SYNGR1: variants seen among roughly 807,000 people sequenced by gnomAD.
SYNGR1 encodes the protein synaptogyrin 1.
SYNGR1 carries 14 observed loss-of-function variants against 26.1 expected under a neutral mutation model. The observed-to-expected ratio is 0.54, with a 90% CI of 0.35 to 0.84. SYNGR1 has a LOEUF of 0.84. SYNGR1 is among the 40% of genes least tolerant of loss of function. The probability of loss-of-function intolerance (pLI) is 0.01; values close to 1 mark genes in which losing one functional copy is unlikely to be tolerated. For missense variants in SYNGR1, 319 were observed against 332.9 expected (o/e 0.96, Z 0.33); for synonymous variants, 141 against 150.1 (o/e 0.94, Z 0.44).
At chr22:39,365,279 C>T (rs1270904896) in intron 1 of SYNGR1, among the ~76,000 whole-genome samples, 2 of 152,176 alleles carry the variant, frequency 1.3e-5, no homozygotes, top group African/African-American at 4.8e-5. Flanking sequence ...GCTGTCCCTG[C>T]AGATCTGGCC....
intron 1 of SYNGR1, among the ~76,000 whole-genome samples, chr22:39,369,784 C>T (rs1408143653): frequency 6.6e-6 from 1 of 152,220 alleles, no homozygotes; most frequent in Non-Finnish European, 1.5e-5. Flanking sequence ...CCGATGCCCT[C>T]ACGGGTCTGA....
At chr22:39,377,745 G>A in intron 3 of SYNGR1, 1 of 1,595,166 alleles carries the variant, frequency 6.3e-7, no homozygotes, top group Middle Eastern at 1.7e-4. Flanking sequence ...CAGTGAGGTG[G>A]CAGGAGCAGC....
chr22:39,380,403 G>A lies in SYNGR1; in HGVS notation c.484-1293G>A, dbSNP rs190895726. ...GCTCCAGAGGTCTTCGGTGACCCAG[G>A]CATCTTTCCTTTTTTTTAGAGACAG... On this transcript the variant is annotated intron_variant, in intron 3 of 3. Coordinates refer to ENST00000328933, the MANE Select transcript of SYNGR1 (RefSeq NM_004711.5). Among the ~76,000 whole-genome samples the A allele has an allele frequency of 9.9e-4, 151 of 152,164 alleles. 1 individual carries two copies. The highest frequency in any genetic ancestry group is 1.9e-3 in the Non-Finnish European group (128 of 67,988).
At chr22:39,377,170 C>T (rs1334207698) in intron 3 of SYNGR1, 10 of 1,465,338 alleles carry the variant, frequency 6.8e-6, no homozygotes, top group Non-Finnish European at 9.0e-6. Flanking sequence ...CCCTGTTTCC[C>T]CCATCCTTCT....
In SYNGR1 at chr22:39,381,771, G is replaced by A. The variant is rs141043837; in HGVS notation, c.559G>A (p.Asp187Asn). The A allele has an allele frequency of 6.2e-7, 1 of 1,613,240 alleles. No individual in the cohort carries two copies. The highest frequency in any genetic ancestry group is 8.5e-7 in the Non-Finnish European group (1 of 1,179,972). Residue 187 changes from aspartate (D) to asparagine (N), a missense_variant, in exon 4 of 4, where the codon GAC (aspartate) becomes AAC (asparagine). By Grantham distance (23) the Asp-to-Asn change is conservative. Coordinates refer to ENST00000328933, the MANE Select transcript of SYNGR1 (RefSeq NM_004711.5). ...GGCCCTCTTCTCCCAGGACTACATG[G>A]ACCCCAGCCAGGACTCCAGCATGCC... ...DSALFSQDYM[D>N]PSQDSSMPYA...
At chr22:39,354,881 G>A (rs1924076916) in intron 1 of SYNGR1, among the ~76,000 whole-genome samples, 1 of 150,076 alleles carries the variant, frequency 6.7e-6, no homozygotes, top group Non-Finnish European at 1.5e-5. Flanking sequence ...TGTAAACACA[G>A]CAGTTTCAAG....
chr22:39,350,043 C>CG lies in SYNGR1; in HGVS notation c.38dup (p.Ala14ArgfsTer261). ...GGGGTGCGTACGGAGCGGGCAAAGC[C>CG]GGGGGCGCCTTCGACCCCTACACCC... is the stretch of plus-strand genomic sequence containing the variant. On this transcript the variant is annotated frameshift_variant, in exon 1 of 4. Transcript: ENST00000328933. LOFTEE classifies it high-confidence loss of function. The surrounding 1 kb of genome is among the most constrained non-coding windows in gnomAD (Gnocchi z 4.3). 2.1e-6 allele frequency: 3 copies of CG among 1,420,056 alleles called. No homozygotes were observed. The highest frequency in any genetic ancestry group is 1.9e-6 in the Non-Finnish European group (2 of 1,069,518). 88.0% of individuals were successfully genotyped at this position (1,420,056 alleles called of 1,614,324 possible).
In SYNGR1 at chr22:39,364,384, A is replaced by G. The variant is rs73887483; in HGVS notation, c.100-9932A>G. The G allele has an allele frequency of 3.7e-3, 5,963 of 1,602,942 alleles. 189 individuals are homozygous for G. The African/African-American group carries it at 0.072, about 19-fold the overall frequency. The stretch of plus-strand genomic sequence containing the variant: ...GACTGTGAAATGCTCTAAGTATAAG[A>G]CTGCTTTGTGGGGATGATTTGCAGA... On this transcript the variant is annotated intron_variant, in intron 1 of 3. Coordinates refer to ENST00000328933, the MANE Select transcript of SYNGR1 (RefSeq NM_004711.5).
chr22:39,375,516 C>T (rs764111392), intron 2 of SYNGR1: 31 of 226,768 alleles, frequency 1.4e-4, no homozygotes, highest in Non-Finnish European at 1.8e-4. Flanking sequence ...TCTGTGGGGT[C>T]GCAGCACGTT....
chr22:39,362,100 G>A (rs374040497), intron 1 of SYNGR1, among the ~76,000 whole-genome samples: 4 of 149,060 alleles, frequency 2.7e-5, no homozygotes, highest in Non-Finnish European at 5.9e-5. Context: ...CTCCTGCCTC[G>A]GCCTCCTACA....
At chr22:39,370,377 G>T (rs1001683999) in intron 1 of SYNGR1, among the ~76,000 whole-genome samples, 1 of 151,984 alleles carries the variant, frequency 6.6e-6, no homozygotes, top group Admixed American at 6.6e-5. Flanking sequence ...TGATCCACCC[G>T]CCTCGGCCTC....
chr22:39,357,774 T>C (rs2413587), intron 1 of SYNGR1, among the ~76,000 whole-genome samples: 90,574 of 151,350 alleles, frequency 0.6, 29,632 homozygotes, highest in East Asian at 0.99. Flanking sequence ...ACTGGGTCCC[T>C]CAGCAGTGCA....
In SYNGR1 at chr22:39,365,988, C is replaced by CTTTTTTTTTTTTTTTTTT. The variant is rs777416803; in HGVS notation, c.100-8318_100-8301dup. Among the ~76,000 whole-genome samples the CTTTTTTTTTTTTTTTTTT allele has an allele frequency of 2.3e-3, 154 of 68,380 alleles. 33 individuals carry two copies. In the East Asian group the frequency reaches 0.034, roughly 15 times the overall value. 44.9% of individuals were successfully genotyped at this position (68,380 alleles called of 152,430 possible). ...CGTGAGCCACCGCGCTCAGCCCCTT[C>CTTTTTTTTTTTTTTTTTT]TTTTTTTTTTTTTTTTTTTTTTTTT... is the stretch of plus-strand genomic sequence containing the variant. On this transcript the variant is annotated intron_variant, in intron 1 of 3. Coordinates refer to ENST00000328933, the MANE Select transcript of SYNGR1 (RefSeq NM_004711.5).
chr22:39,353,900 T>C (rs554206138), intron 1 of SYNGR1, among the ~76,000 whole-genome samples: 1 of 152,320 alleles, frequency 6.6e-6, no homozygotes, highest in East Asian at 1.9e-4. Flanking sequence ...AGTCTCGCTC[T>C]GTCTCCAGGC....
At chr22:39,374,672 T>A (rs767447547) in intron 2 of SYNGR1, 119 bp downstream of exon 2, 2 of 1,096,974 alleles carry the variant, frequency 1.8e-6, no homozygotes, top group Non-Finnish European at 2.7e-6. Context: ...TGCAGGCGGG[T>A]GAAGGGATGG....
At chr22:39,381,196 T>C (rs6001569) in intron 3 of SYNGR1, among the ~76,000 whole-genome samples, 6 of 152,248 alleles carry the variant, frequency 3.9e-5, no homozygotes, top group African/African-American at 1.4e-4. Context: ...CCATCACATC[T>C]GTGTTCCAGG....
chr22:39,364,305 C>T, intron 1 of SYNGR1: 1 of 1,611,102 alleles, frequency 6.2e-7, no homozygotes, highest in Non-Finnish European at 8.5e-7. Context: ...AGGCAGGTTC[C>T]CCATCTGCTG....
At chr22:39,359,022 G>A (rs552339984) in intron 1 of SYNGR1, among the ~76,000 whole-genome samples, 81 of 152,352 alleles carry the variant, frequency 5.3e-4, no homozygotes, top group African/African-American at 1.7e-3. Context: ...GGCTCCTCCA[G>A]TACCTCACAG....
At chr22:39,378,125 G>C in intron 3 of SYNGR1, 1 of 1,163,144 alleles carries the variant, frequency 8.6e-7, no homozygotes, top group South Asian at 1.8e-5. Flanking sequence ...TCCCTTCACA[G>C]CGGTGTGAAG....
Sources: gnomAD v4.1 joint callset for allele counts (sites outside exome capture counted in the v4.1 genomes callset) on GRCh38, gnomAD v4.1.1 for gene constraint, Gnocchi (gnomAD v3.1) non-coding constraint, MANE v1.5 for transcripts, NCBI Gene and HGNC (gene_info 2026-07-23, HGNC 2026-07-21) for gene names.